The following PER3 variants were observed in gnomAD, a reference collection of about 807,000 sequenced individuals.
PER3 encodes period circadian regulator 3, also known as period circadian protein homolog 3.
A neutral mutation model predicts 127.2 loss-of-function variants in PER3; 107 were observed. The observed-to-expected ratio is 0.84, with a 90% confidence interval of 0.72 to 0.99. The LOEUF is 0.99. PER3 is among the 50% of genes least tolerant of loss of function. The probability of loss-of-function intolerance (pLI) is 0.00; values close to 1 mark genes in which losing one functional copy is unlikely to be tolerated. For synonymous variants in PER3, 618 were observed against 585.8 expected (o/e 1.05, Z -0.79); for missense variants, 1,560 against 1,525.8 (o/e 1.02, Z -0.37).
chr1:7,824,259 A>AT (rs1435174287), intron 16 of PER3, among the ~76,000 whole-genome samples: 16 of 152,364 alleles, frequency 1.1e-4, no homozygotes, highest in African/African-American at 3.8e-4. Context: ...AATGAAGGAA[A>AT]TAATAAAGAC....
chr1:7,819,313 C>G lies in PER3; in HGVS notation c.1551C>G (p.His517Gln), dbSNP rs1228567442. The G allele has an allele frequency of 6.2e-7, 1 of 1,613,708 alleles. No homozygotes were observed. The highest frequency in any genetic ancestry group is 1.1e-5 in the South Asian group (1 of 91,058). The change falls in exon 14 of 22, where the codon CAC becomes CAG. Residue 517 changes from histidine to glutamine, a missense_variant. Physicochemically the swap from His to Gln is conservative, Grantham distance 24 (BLOSUM62 0). This residue lies in a region of PER3 where 1,332 missense variants were observed against 1,223.6 expected (regional missense o/e 1.09). Coordinates refer to ENST00000377532, the MANE Select transcript of PER3 (RefSeq NM_001377275.1). ...AATGTAAGACCTTTACTTCCTTCCA[C>G]CAAACACTGAAAAACAATAGTGTGT... The part of the protein sequence containing the change: ...GGECKTFTSF[H>Q]QTLKNNSVYT...
At chr1:7,808,382 G>T (rs1423481327) in intron 10 of PER3, among the ~76,000 whole-genome samples, 4 of 152,122 alleles carry the variant, frequency 2.6e-5, no homozygotes, top group Non-Finnish European at 5.9e-5. Flanking sequence ...GATTGAAGAT[G>T]CTCTAAAATT....
intron 18 of PER3, among the ~76,000 whole-genome samples, chr1:7,828,919 G>A (rs1023998337): frequency 1.2e-4 from 19 of 152,050 alleles, no homozygotes; most frequent in African/African-American, 1.4e-4. Flanking sequence ...ATAAATGTTC[G>A]ATATGTGTTT....
chr1:7,786,084 GT>G (rs1305034471), intron 3 of PER3, among the ~76,000 whole-genome samples: 2 of 152,086 alleles, frequency 1.3e-5, no homozygotes, highest in African/African-American at 4.8e-5. Flanking sequence ...GTGAAACCCC[GT>G]CTCTACTAAA....
At chr1:7,842,465 A>G (rs756476541) in intron 21 of PER3, among the ~76,000 whole-genome samples, 2 of 152,024 alleles carry the variant, frequency 1.3e-5, no homozygotes, top group Non-Finnish European at 2.9e-5. Context: ...GCACCACTGC[A>G]TTCCAGCCTG....
intron 11 of PER3, among the ~76,000 whole-genome samples, chr1:7,809,563 T>G (rs1271473414): frequency 6.6e-6 from 1 of 152,210 alleles, no homozygotes; most frequent in African/African-American, 2.4e-5. Context: ...AATATATAGT[T>G]AGTTTGTTCT....
intron 19 of PER3, among the ~76,000 whole-genome samples, chr1:7,834,482 G>A (rs1292722561): frequency 2.0e-5 from 3 of 152,072 alleles, no homozygotes; most frequent in Non-Finnish European, 4.4e-5. Context: ...TTGACACAAG[G>A]TGTCACTCTG....
chr1:7,827,578 C>T lies in PER3; in HGVS notation c.2649C>T (p.Ala883=), dbSNP rs749399112. ...CATGTCCATTCCTGGGGGCGACAGC[C>T]TCTTCTGCGATATCACCCTCAATGT... ...FLPCPFLGAT[A]SSAISPSMSS... is the part of the protein sequence containing the mutation. Residue 883 remains alanine (A), a synonymous_variant, in exon 18 of 22, where the codon GCC becomes GCT. Transcript: ENST00000377532. 4.3e-6 allele frequency: 7 copies of T among 1,614,080 alleles called. No individual in the cohort carries two copies. Among genetic ancestry groups the T allele is most frequent in the African/African-American group, 4.0e-5 (3 of 74,926 alleles).
Position 7,827,816 on chromosome 1 carries a change from G to GT in PER3, c.2886+2dup. ...GAACACGTGCCCACAAACTGAGTAT[G>GT]TAAGTGATGCTCATTTTCAACACTC... On this transcript the variant is annotated splice_donor_variant, in intron 18 of 21. Coordinates refer to ENST00000377532, the MANE Select transcript of PER3 (RefSeq NM_001377275.1). LOFTEE classifies it high-confidence loss of function. 6.3e-7 allele frequency: 1 copy of GT among 1,594,182 alleles called. No homozygotes were observed. The highest frequency in any genetic ancestry group is 2.2e-5 in the East Asian group (1 of 44,646).
At chr1:7,822,302 C>CTGGTGTGCAG (rs2097280744) in intron 16 of PER3, among the ~76,000 whole-genome samples, 1 of 151,056 alleles carries the variant, frequency 6.6e-6, no homozygotes, top group South Asian at 2.1e-4. Context: ...GTCACCCAGG[C>CTGGTGTGCAG]TGGTGTGCAG....
intron 3 of PER3, among the ~76,000 whole-genome samples, chr1:7,785,992 C>CAA (rs1236040068): frequency 6.6e-6 from 1 of 152,224 alleles, no homozygotes; most frequent in Non-Finnish European, 1.5e-5. Context: ...CGCGGTGCCT[C>CAA]ACGCCTGTAA....
chr1:7,820,444 G>A (rs1433039490), intron 15 of PER3, 23 bp from the exon 16 acceptor site: 2 of 1,585,710 alleles, frequency 1.3e-6, no homozygotes, highest in East Asian at 4.5e-5. Flanking sequence ...TCTTTTCACT[G>A]TCAGTTTCTC....
chr1:7,822,038 A>G (rs746669169), intron 16 of PER3, among the ~76,000 whole-genome samples: 1 of 152,186 alleles, frequency 6.6e-6, no homozygotes, highest in Non-Finnish European at 1.5e-5. Context: ...AGAGTAGGGA[A>G]TCAAGTATTG....
At position 7,827,411 on chromosome 1, in the gene PER3, G is replaced by A. The variant is rs1475701771; in HGVS notation, c.2482G>A (p.Ala828Thr). The A allele has an allele frequency of 2.5e-6, 4 of 1,614,092 alleles. No homozygotes were observed. In the South Asian group the frequency reaches 3.3e-5, roughly 13 times the overall value. Residue 828 changes from alanine to threonine, a missense_variant, in exon 18 of 22, where the codon GCA (alanine) becomes ACA (threonine). Ala to Thr is a moderately conservative substitution (Grantham distance 58). Transcript: ENST00000377532. ...AAGAGAATACGCAGCCCCCGGAACTGCACCGGAAGGCCTGCATGGGCTGCC... is the reference window on the plus strand; with the variant it reads ...AAGAGAATACGCAGCCCCCGGAACTACACCGGAAGGCCTGCATGGGCTGCC... ...PGREYAAPGTAPEGLHGLPLS... is the reference protein window; with the variant it reads ...PGREYAAPGTTPEGLHGLPLS...
intron 8 of PER3, among the ~76,000 whole-genome samples, chr1:7,801,931 A>G (rs915827953): frequency 6.6e-6 from 1 of 152,164 alleles, no homozygotes; most frequent in African/African-American, 2.4e-5. Context: ...TGTCAGAAAC[A>G]TTTTCTTGAT....
rs776282180 is a variant in PER3, at chr1:7,827,653, A to C, written c.2724A>C (p.Gln908His). Residue 908 changes from glutamine to histidine, a missense_variant, in exon 18 of 22, where the codon CAA (glutamine) becomes CAC (histidine). Coordinates refer to ENST00000377532, the MANE Select transcript of PER3 (RefSeq NM_001377275.1). ...TLDPPPSVTS[Q>H]RREEEKWEAQ... The stretch of plus-strand genomic sequence containing the variant: ...ACCCACCCCCTTCAGTCACCAGCCA[A>C]AGGAGAGAGGAGGAAAAGTGGGAGG... The C allele has an allele frequency of 6.2e-7, 1 of 1,614,142 alleles. No individual in the cohort carries two copies. The highest frequency in any genetic ancestry group is 8.5e-7 in the Non-Finnish European group (1 of 1,180,020).
intron 10 of PER3, among the ~76,000 whole-genome samples, chr1:7,808,094 G>T (rs1055813868): frequency 6.6e-6 from 1 of 151,994 alleles, no homozygotes; most frequent in Non-Finnish European, 1.5e-5. Flanking sequence ...TTAGCCAGGC[G>T]TGGTGGCGTG....
At chr1:7,834,079 C>T (rs917919035) in intron 19 of PER3, among the ~76,000 whole-genome samples, 4 of 152,108 alleles carry the variant, frequency 2.6e-5, no homozygotes, top group Non-Finnish European at 4.4e-5. Context: ...TGCACCACCA[C>T]GCCTAATTTT....
Position 7,803,095 on chromosome 1 carries a change from G to A in PER3, c.921G>A (p.Ser307=). The change falls in exon 9 of 22, where the codon TCG becomes TCA. Residue 307 remains serine, a synonymous_variant. Transcript: ENST00000377532. The stretch of plus-strand genomic sequence containing the variant: ...TACCTCAGGACCTGATTGGAACATC[G>A]ATCCTAAGCTACCTGCACCCTGAAG... ...GYLPQDLIGT[S]ILSYLHPEDR... 3 of 1,613,690 alleles carry A rather than the reference G, an allele frequency of 1.9e-6. No individual in the cohort carries two copies. Among genetic ancestry groups the A allele is most frequent in the African/African-American group, 2.7e-5 (2 of 74,982 alleles).
Sources: gnomAD v4.1 joint callset for allele counts (sites outside exome capture counted in the v4.1 genomes callset) on GRCh38, gnomAD v4.1.1 for gene constraint, gnomAD v4.1.1 regional missense constraint, MANE v1.5 for transcripts, NCBI Gene and HGNC (gene_info 2026-07-23, HGNC 2026-07-21) for gene names.